RNF13: variants seen among roughly 807,000 people sequenced by gnomAD.
RNF13 encodes the protein E3 ubiquitin-protein ligase RNF13.
A neutral mutation model predicts 37.7 loss-of-function variants in RNF13; 19 were observed. That is an observed-to-expected ratio of 0.50 (90% CI 0.35 to 0.74). The LOEUF is 0.74. RNF13 is among the 30% of genes least tolerant of loss of function. The pLI, the probability that RNF13 is intolerant of heterozygous loss-of-function variation, is 0.01. For missense variants in RNF13, 375 were observed against 453.0 expected (o/e 0.83, Z 1.56); for synonymous variants, 144 against 157.8 (o/e 0.91, Z 0.65).
intron 4 of RNF13, among the ~76,000 whole-genome samples, chr3:149,885,765 G>C (rs143098814): frequency 6.6e-6 from 1 of 152,058 alleles, no homozygotes; most frequent in Non-Finnish European, 1.5e-5. Flanking sequence ...TTTTGCTTTG[G>C]TTGCCTGTGC....
chr3:149,900,882 T>C (rs762575083), intron 5 of RNF13, among the ~76,000 whole-genome samples: 3 of 151,894 alleles, frequency 2.0e-5, no homozygotes, highest in African/African-American at 7.3e-5. Context: ...TGTATGAGAG[T>C]TGAACGTTTA....
chr3:149,913,345 A>T (rs1717179412), intron 7 of RNF13, among the ~76,000 whole-genome samples: 1 of 152,154 alleles, frequency 6.6e-6, no homozygotes, highest in Non-Finnish European at 1.5e-5. Flanking sequence ...TTTTTATTAA[A>T]CATTTAATTT....
At chr3:149,935,554 G>T (rs1719592582) in intron 8 of RNF13, among the ~76,000 whole-genome samples, 1 of 150,860 alleles carries the variant, frequency 6.6e-6, no homozygotes, top group African/African-American at 2.4e-5. Context: ...CCTATTATAG[G>T]TGTTTTGCTT....
intron 8 of RNF13, among the ~76,000 whole-genome samples, chr3:149,956,456 G>A (rs1274478463): frequency 2.6e-5 from 4 of 152,188 alleles, no homozygotes. Context: ...GGCTACCTAG[G>A]TCTTTGTGTG....
At chr3:149,892,762 A>G (rs1404975801) in intron 4 of RNF13, among the ~76,000 whole-genome samples, 1 of 152,218 alleles carries the variant, frequency 6.6e-6, no homozygotes, top group Non-Finnish European at 1.5e-5. Context: ...TTCTGAAACT[A>G]TTCCCCCGGT....
chr3:149,872,091 A>T lies in RNF13; in HGVS notation c.258A>T (p.Lys86Asn), dbSNP rs778048446. ...ACEPIVPPPV[K>N]DNSSGTFIVL... ...AACCCATAGTGCCTCCACCAGTAAA[A>T]GACAATTCATCTGGCACTTTCATCG... The change falls in exon 4 of 10, where the codon AAA (lysine) becomes AAT (asparagine). Residue 86 changes from lysine (K) to asparagine (N), a missense_variant. Transcript: ENST00000392894. 1 of 1,606,744 alleles carries T rather than the reference A, an allele frequency of 6.2e-7. No homozygotes were observed.
intron 8 of RNF13, among the ~76,000 whole-genome samples, chr3:149,938,310 T>G (rs1719908560): frequency 2.0e-5 from 3 of 151,914 alleles, no homozygotes; most frequent in Admixed American, 1.3e-4. Context: ...CCCAAGTAGC[T>G]GGGACTATAG....
chr3:149,871,202 C>T (rs1015277864), intron 3 of RNF13, among the ~76,000 whole-genome samples: 8 of 151,510 alleles, frequency 5.3e-5, no homozygotes, highest in African/African-American at 1.5e-4. Flanking sequence ...CCACCATGCT[C>T]GGCTAATTTT....
At chr3:149,951,296 A>G (rs1405664462) in intron 8 of RNF13, among the ~76,000 whole-genome samples, 3 of 152,224 alleles carry the variant, frequency 2.0e-5, no homozygotes, top group Admixed American at 6.5e-5. Flanking sequence ...CTTCAAAAGG[A>G]ATACTTTTCA....
intron 7 of RNF13, among the ~76,000 whole-genome samples, chr3:149,920,403 T>C (rs1297306326): frequency 6.6e-6 from 1 of 150,740 alleles, no homozygotes; most frequent in African/African-American, 2.4e-5. Context: ...GCCAGGCTAA[T>C]TTTTTTCTTT....
intron 3 of RNF13, among the ~76,000 whole-genome samples, chr3:149,859,260 T>C (rs1439137217): frequency 2.6e-5 from 4 of 152,186 alleles, no homozygotes; most frequent in African/African-American, 9.6e-5. Flanking sequence ...TGGTTATACA[T>C]GAAATAAGAA....
intron 5 of RNF13, among the ~76,000 whole-genome samples, chr3:149,896,176 G>C (rs1289769841): frequency 2.6e-5 from 4 of 151,840 alleles, no homozygotes; most frequent in Non-Finnish European, 5.9e-5. Flanking sequence ...GGCACTATGG[G>C]GTTTTATCAA....
rs890365962 is a variant in RNF13, at chr3:149,868,641, T to TTCTC, written c.196-3378_196-3375dup. 8.1e-4 allele frequency among the ~76,000 whole-genome samples: 123 copies of TTCTC among 151,028 alleles called. 1 individual carries two copies. The highest frequency in any genetic ancestry group is 2.6e-3 in the African/African-American group (108 of 41,312). ...TTTCCCTTTCTGTTCTTTCCTTTCTTTCTCTCTCTCTCTTTCTCTTGTTAT... is the reference window on the plus strand; with the variant it reads ...TTTCCCTTTCTGTTCTTTCCTTTCTTTCTCTCTCTCTCTCTCTTTCTCTTGTTAT... On this transcript the variant is annotated intron_variant, in intron 3 of 9. Transcript: ENST00000392894.
At chr3:149,887,003 C>A (rs1185311167) in intron 4 of RNF13, among the ~76,000 whole-genome samples, 1 of 151,862 alleles carries the variant, frequency 6.6e-6, no homozygotes, top group African/African-American at 2.4e-5. Flanking sequence ...AATTTCATTC[C>A]ACTATGATCG....
At chr3:149,940,973 T>C (rs906461780) in intron 8 of RNF13, among the ~76,000 whole-genome samples, 2 of 152,222 alleles carry the variant, frequency 1.3e-5, no homozygotes, top group African/African-American at 4.8e-5. Context: ...CTGGCATATT[T>C]TGCTTAGCAT....
At chr3:149,862,861 T>G (rs539096078) in intron 3 of RNF13, among the ~76,000 whole-genome samples, 1 of 152,192 alleles carries the variant, frequency 6.6e-6, no homozygotes, top group Admixed American at 6.5e-5. Context: ...TATAAAAGAA[T>G]GTCCAGCCAC....
chr3:149,817,867 A>G (rs1439743021), intron 1 of RNF13, among the ~76,000 whole-genome samples: 1 of 152,158 alleles, frequency 6.6e-6, no homozygotes, highest in Non-Finnish European at 1.5e-5. Flanking sequence ...CCCAGAACCT[A>G]TTATAAGAAA....
chr3:149,938,179 TTTTA>T (rs1285460292), intron 8 of RNF13, among the ~76,000 whole-genome samples: 3 of 151,102 alleles, frequency 2.0e-5, no homozygotes, highest in Non-Finnish European at 4.4e-5. Context: ...TTTTAAAATT[TTTTA>T]TTTATTTATT....
chr3:149,871,496 T>A (rs1712055555), intron 3 of RNF13, among the ~76,000 whole-genome samples: 1 of 151,266 alleles, frequency 6.6e-6, no homozygotes, highest in South Asian at 2.1e-4. Context: ...ATTTTCCTAT[T>A]GTATAAATAT....
Sources: allele counts gnomAD v4.1 joint callset (sites outside exome capture counted in the v4.1 genomes callset), GRCh38; gene constraint gnomAD v4.1.1; transcripts MANE v1.5; gene names NCBI Gene and HGNC (gene_info 2026-07-23, HGNC 2026-07-21).